OR2I1: variants seen among roughly 807,000 people sequenced by gnomAD.
OR2I1 encodes the protein olfactory receptor family 2 subfamily I member 1 (gene/pseudogene).
the OR2I1 span, chr6:29,553,992 C>G: frequency 1.0e-5 from 4 of 398,908 alleles, no homozygotes; most frequent in Non-Finnish European, 1.8e-5. Flanking sequence ...CCATCTACAC[C>G]TACCTGCAGC....
At chr6:29,553,804 G>A in the OR2I1 span, 1 of 398,698 alleles carries the variant, frequency 2.5e-6, no homozygotes. Context: ...AGACACTACC[G>A]AGAACCAGAT....
chr6:29,553,871 A>G, the OR2I1 span: 3 of 398,310 alleles, frequency 7.5e-6, no homozygotes, highest in Admixed American at 4.4e-5. Flanking sequence ...CTGGCCTCCT[A>G]CGGTGCCGTG....
chr6:29,554,145 G>T, the OR2I1 span: 4 of 399,264 alleles, frequency 1.0e-5, no homozygotes, highest in African/African-American at 4.1e-5. Flanking sequence ...GGAGTCTGGG[G>T]AGAGGCCAGG....
At chr6:29,552,690 A>T in the OR2I1 span, 14 of 152,400 alleles carry the variant, frequency 9.2e-5, no homozygotes, top group Admixed American at 9.1e-4. Flanking sequence ...TTATACAGTT[A>T]CACAGTTATA....
the OR2I1 span, chr6:29,554,047 T>G: frequency 7.5e-6 from 3 of 398,820 alleles, no homozygotes; most frequent in Non-Finnish European, 1.3e-5. Flanking sequence ...CGTATCGCTC[T>G]TCTACACCGT....
chr6:29,556,507 G>T, the OR2I1 span: 2 of 578,502 alleles, frequency 3.5e-6, no homozygotes, highest in South Asian at 2.4e-5. Context: ...CTTCTTTTTT[G>T]GAATTACCAA....
the OR2I1 span, chr6:29,556,739 T>C: frequency 9.2e-4 from 174 of 188,410 alleles, no homozygotes; most frequent in African/African-American, 3.9e-3. Flanking sequence ...GGCTGATCAA[T>C]TGATGCTGGG....
At chr6:29,553,644 G>T in the OR2I1 span, 1 of 398,404 alleles carries the variant, frequency 2.5e-6, no homozygotes, top group East Asian at 3.6e-5. Flanking sequence ...TATGTCGCAC[G>T]CTGGCCAGCG....
At chr6:29,557,164 C>T in the OR2I1 span, 2 of 152,106 alleles carry the variant, frequency 1.3e-5, no homozygotes, top group Non-Finnish European at 2.9e-5. Context: ...GTCATGCATC[C>T]CTTACACTTA....
At chr6:29,552,215 C>A in the OR2I1 span, among the ~76,000 whole-genome samples, 1 of 152,180 alleles carries the variant, frequency 6.6e-6, no homozygotes, top group East Asian at 1.9e-4. Flanking sequence ...ATAGTAAAGC[C>A]AAGGATTTGG....
At chr6:29,550,703 C>T in the OR2I1 span, 2 of 152,214 alleles carry the variant, frequency 1.3e-5, no homozygotes, top group Admixed American at 1.3e-4. Context: ...TCCCAGGCAT[C>T]CATTCCAGAA....
At chr6:29,555,093 C>T in the OR2I1 span, 2 of 152,210 alleles carry the variant, frequency 1.3e-5, no homozygotes, top group African/African-American at 2.4e-5. Context: ...AGAGGGTGGT[C>T]CACAGTCCCC....
chr6:29,550,525 C>T, the OR2I1 span: 1 of 152,236 alleles, frequency 6.6e-6, no homozygotes, highest in African/African-American at 2.4e-5. Flanking sequence ...AGGTCCTTGT[C>T]TGGTCTGTAC....
chr6:29,553,133 C>T, the OR2I1 span: 1 of 397,986 alleles, frequency 2.5e-6, no homozygotes, highest in Non-Finnish European at 4.4e-6. Context: ...CCAGCCCAGC[C>T]CCACACTCCA....
the OR2I1 span, chr6:29,554,202 C>T: frequency 5.0e-6 from 2 of 398,530 alleles, no homozygotes; most frequent in Non-Finnish European, 4.4e-6. Context: ...AAGCCAGAAC[C>T]CAAGGATGGA....
At chr6:29,555,439 G>T in the OR2I1 span, 2 of 163,968 alleles carry the variant, frequency 1.2e-5, no homozygotes, top group African/African-American at 2.4e-5. Context: ...AATTCAATTT[G>T]GTTCAACCAT....
chr6:29,551,819 G>A, the OR2I1 span, among the ~76,000 whole-genome samples: 592 of 152,288 alleles, frequency 3.9e-3, 33 homozygotes, highest in East Asian at 0.087. Context: ...TCAAACCCAG[G>A]CAGTCTGGCT....
the OR2I1 span, chr6:29,553,716 G>T: frequency 2.5e-6 from 1 of 398,458 alleles, no homozygotes; most frequent in Non-Finnish European, 4.4e-6. Flanking sequence ...CTGAGCGGCC[G>T]CTGTGCGCGC....
chr6:29,553,780 T>C, the OR2I1 span: 39,469 of 398,526 alleles, frequency 0.099, 5,850 homozygotes, highest in African/African-American at 0.44. Context: ...CAAGCTGGCC[T>C]GCGGAGGCGA....
Sources: gnomAD v4.1 joint callset for allele counts (sites outside exome capture counted in the v4.1 genomes callset) on GRCh38, gnomAD v4.1.1 for gene constraint, MANE v1.5 for transcripts, NCBI Gene and HGNC (gene_info 2026-07-23, HGNC 2026-07-21) for gene names.